RER1: variants seen among roughly 807,000 people sequenced by gnomAD.
RER1 encodes protein RER1.
A neutral mutation model predicts 28.3 loss-of-function variants in RER1; 6 were observed. The ratio of observed to expected loss-of-function variants is 0.21; its 90% CI spans 0.12 to 0.42. RER1 has a LOEUF of 0.42. Ranked by LOEUF, RER1 falls within the 10% of genes least tolerant of loss-of-function variation. RER1 has a pLI of 1.00. For missense variants in RER1, 159 were observed against 252.9 expected, an observed-to-expected ratio of 0.63 and a Z score of 2.52; for synonymous variants, 110 against 95.9, an observed-to-expected ratio of 1.15 and a Z score of -0.86.
chr1:2,392,924 A>C (rs1011959054), intron 1 of RER1, among the ~76,000 whole-genome samples: 1 of 90,760 alleles, frequency 1.1e-5, no homozygotes, highest in Non-Finnish European at 2.3e-5. Flanking sequence ...GGACTGAACA[A>C]CACCAGAGGC....
chr1:2,402,363 C>T, intron 6 of RER1, 21 bp downstream of exon 6: 1 of 1,613,774 alleles, frequency 6.2e-7, no homozygotes, highest in Non-Finnish European at 8.5e-7. Context: ...GGCGCTGCCG[C>T]CACGCCGGCC....
rs1642899844 is a variant in RER1, at chr1:2,403,229, T to A, written c.*105T>A. On this transcript the variant is annotated 3_prime_UTR_variant, in exon 7 of 7. Transcript: ENST00000605895. ...GTAGTTGATTACGAGGGAGTCAAATTTTCTTTTTAAAAAGGAGCTTCAATG... is the reference window on the plus strand; with the variant it reads ...GTAGTTGATTACGAGGGAGTCAAATATTCTTTTTAAAAAGGAGCTTCAATG... The A allele has an allele frequency of 1.2e-6, 1 of 847,062 alleles. No homozygotes were observed. The highest frequency in any genetic ancestry group is 1.7e-5 in the African/African-American group (1 of 58,528). 52.5% of individuals were successfully genotyped at this position (847,062 alleles called of 1,614,324 possible).
chr1:2,401,082 C>A (rs2100405587), intron 5 of RER1, 147 bp downstream of exon 5: 1 of 682,968 alleles, frequency 1.5e-6, no homozygotes, highest in Non-Finnish European at 2.6e-6. Context: ...CTGTAGAAGG[C>A]CACTCACTAC....
Position 2,393,590 on chromosome 1 carries a change from G to A in RER1, c.-8+1632G>A, listed in dbSNP as rs139604351. Among the ~76,000 whole-genome samples, 149 of 152,240 alleles carry A rather than the reference G, an allele frequency of 9.8e-4. 1 individual carries two copies. Among genetic ancestry groups the A allele is most frequent in the African/African-American group, 3.2e-3 (135 of 41,548 alleles). On this transcript the variant is annotated intron_variant, in intron 1 of 6. Transcript: ENST00000605895. The stretch of plus-strand genomic sequence containing the variant: ...CACGGGCTGCCCACTGATTCCTCAC[G>A]AGAGCCTTGTGGAGAAGGCATGAGA...
intron 1 of RER1, among the ~76,000 whole-genome samples, chr1:2,393,482 C>G (rs2100395000): frequency 6.6e-6 from 1 of 152,300 alleles, no homozygotes; most frequent in South Asian, 2.1e-4. Context: ...GAGAAGAGGA[C>G]TGCAGAGGGG....
intron 2 of RER1, among the ~76,000 whole-genome samples, chr1:2,396,518 G>C (rs976591194): frequency 5.3e-5 from 8 of 152,050 alleles, no homozygotes; most frequent in Non-Finnish European, 1.2e-4. Context: ...TTGTGAATTT[G>C]GAAATTTCTC....
Position 2,404,407 on chromosome 1 carries a change from TTTC to T in RER1, c.*1286_*1288del, listed in dbSNP as rs1158334571. The T allele has an allele frequency of 6.6e-6, 1 of 152,270 alleles. No individual in the cohort carries two copies. Among genetic ancestry groups the T allele is most frequent in the Non-Finnish European group, 1.5e-5 (1 of 68,056 alleles). 9.4% of individuals were successfully genotyped at this position (152,270 alleles called of 1,614,324 possible). A position where few individuals can be genotyped will look rare whatever the true frequency, so the allele number is the denominator to read the frequency against. ...GAGTGTTTGTCATTTTTCATACTGT[TTTC>T]TTAATAAGCGCTCAGGCCTAAGGTG... is the stretch of plus-strand genomic sequence containing the variant. On this transcript the variant is annotated 3_prime_UTR_variant, in exon 7 of 7. Coordinates refer to ENST00000605895, the MANE Select transcript of RER1 (RefSeq NM_007033.5).
chr1:2,403,416 C>G lies in RER1; in HGVS notation c.*292C>G. The G allele has an allele frequency of 2.7e-6, 1 of 372,536 alleles. No homozygotes were observed. Among genetic ancestry groups the G allele is most frequent in the Non-Finnish European group, 5.1e-6 (1 of 195,456 alleles). The allele number at this position is 372,536 out of a possible 1,614,324, so 23.1% of individuals were successfully genotyped here. On this transcript the variant is annotated 3_prime_UTR_variant, in exon 7 of 7. Coordinates refer to ENST00000605895, the MANE Select transcript of RER1 (RefSeq NM_007033.5). The stretch of plus-strand genomic sequence containing the variant: ...AGCCCATGGGAGCAAGGGCGAGTGG[C>G]CGGTCCCCGCTGTGCCAGGTGGGCA...
intron 1 of RER1, chr1:2,394,697 T>C (rs1007620963): frequency 9.2e-5 from 14 of 152,196 alleles, no homozygotes; most frequent in African/African-American, 3.4e-4. Flanking sequence ...GCTCAGAGGG[T>C]TTGCTGAAGG....
At chr1:2,394,045 C>G (rs1417332202) in intron 1 of RER1, 2 of 152,200 alleles carry the variant, frequency 1.3e-5, no homozygotes, top group Non-Finnish European at 2.9e-5. Flanking sequence ...GGGAAACTTA[C>G]AAGGAGCTAT....
At chr1:2,401,801 C>A in intron 5 of RER1, 1 of 490,698 alleles carries the variant, frequency 2.0e-6, no homozygotes, top group Non-Finnish European at 3.6e-6. Flanking sequence ...CATCTGTTGG[C>A]CATGTGCTGG....
In RER1 at chr1:2,402,243, C is replaced by G. The variant is rs753898176; in HGVS notation, c.402C>G (p.Val134=). ...AATKGILVAM[V]CTFFDAFNVP... Reference sequence around the variant, plus strand: ...CCAAGGGCATCCTTGTGGCTATGGTCTGTACTTTCTTCGACGCTTTCAACG... The same window carrying G: ...CCAAGGGCATCCTTGTGGCTATGGTGTGTACTTTCTTCGACGCTTTCAACG... Residue 134 remains valine, a synonymous_variant, in exon 6 of 7, where the codon GTC becomes GTG. Coordinates refer to ENST00000605895, the MANE Select transcript of RER1 (RefSeq NM_007033.5). 1 of 1,614,108 alleles carries G rather than the reference C, an allele frequency of 6.2e-7. No individual in the cohort carries two copies. Among genetic ancestry groups the G allele is most frequent in the Non-Finnish European group, 8.5e-7 (1 of 1,180,046 alleles).
chr1:2,397,692 CAAGT>C (rs1490608749), intron 3 of RER1, among the ~76,000 whole-genome samples: 1 of 152,186 alleles, frequency 6.6e-6, no homozygotes, highest in Non-Finnish European at 1.5e-5. Context: ...GACGCCGAGT[CAAGT>C]AAGAGAGACA....
At chr1:2,396,046 C>G in intron 2 of RER1, 175 bp downstream of exon 2, 1 of 619,792 alleles carries the variant, frequency 1.6e-6, no homozygotes, top group Non-Finnish European at 2.9e-6. Flanking sequence ...GTGGAGAGAT[C>G]GGGCTCTGGG....
rs769572038 is a variant in RER1 at position 2,397,102 on chromosome 1, T to C, written c.82-14T>C. On this transcript the variant is annotated splice_polypyrimidine_tract_variant and intron_variant, in intron 2 of 6. Coordinates refer to ENST00000605895, the MANE Select transcript of RER1 (RefSeq NM_007033.5). ...CAGGACCTGCTTCATGCTTTTGGACTCTTGTCTTTCTAGATTTATCAGTCC... is the reference window on the plus strand; with the variant it reads ...CAGGACCTGCTTCATGCTTTTGGACCCTTGTCTTTCTAGATTTATCAGTCC... The C allele has an allele frequency of 1.3e-6, 2 of 1,578,654 alleles. No individual in the cohort carries two copies. The highest frequency in any genetic ancestry group is 1.1e-5 in the South Asian group (1 of 90,366).
chr1:2,397,963 T>C (rs1167804839), intron 3 of RER1, among the ~76,000 whole-genome samples: 1 of 151,098 alleles, frequency 6.6e-6, no homozygotes, highest in Non-Finnish European at 1.5e-5. Context: ...ACTTCCTTGT[T>C]TAAAGCACAC....
At chr1:2,392,571 C>A (rs950024378) in intron 1 of RER1, among the ~76,000 whole-genome samples, 1 of 152,254 alleles carries the variant, frequency 6.6e-6, no homozygotes, top group Admixed American at 6.5e-5. Context: ...AGGTGTCTCA[C>A]AGCACAGAGG....
At chr1:2,399,537 G>C (rs1178635224) in intron 4 of RER1, 23 bp downstream of exon 4, 2 of 1,456,810 alleles carry the variant, frequency 1.4e-6, no homozygotes, top group Non-Finnish European at 1.9e-6. Flanking sequence ...CTGTGCACTG[G>C]GCTGTGTGGG....
In RER1 at chr1:2,395,738, C is replaced by A; in HGVS notation, c.-7-46C>A. On this transcript the variant is annotated intron_variant, in intron 1 of 6. Transcript: ENST00000605895. The stretch of plus-strand genomic sequence containing the variant: ...GTGAAAATAGGGCCAGGATTTCACA[C>A]CCGTGAATGCTTTTTACTGAAAAGT... The A allele has an allele frequency of 4.4e-6, 6 of 1,367,732 alleles. No individual in the cohort carries two copies. The South Asian group carries it at 5.8e-5, about 13-fold the overall frequency. 84.7% of individuals were successfully genotyped at this position (1,367,732 alleles called of 1,614,324 possible).
Sources: gnomAD v4.1 joint callset for allele counts (sites outside exome capture counted in the v4.1 genomes callset) on GRCh38, gnomAD v4.1.1 for gene constraint, MANE v1.5 for transcripts, NCBI Gene and HGNC (gene_info 2026-07-23, HGNC 2026-07-21) for gene names.